The following ANKRD30B variants were observed in gnomAD, a reference collection of about 807,000 sequenced individuals.
ANKRD30B encodes ankyrin repeat domain-containing protein 30B.
ANKRD30B carries 144 observed loss-of-function variants against 202.2 expected under a neutral mutation model. The ratio of observed to expected loss-of-function variants is 0.71; its 90% confidence interval spans 0.62 to 0.82. The LOEUF is 0.82. ANKRD30B is among the 40% of genes least tolerant of loss of function. The probability of loss-of-function intolerance (pLI) is 0.00; values close to 1 mark genes in which losing one functional copy is unlikely to be tolerated. For synonymous variants in ANKRD30B, 508 were observed against 561.3 expected, an observed-to-expected ratio of 0.91 and a Z score of 1.34; for missense variants, 1,487 against 1,669.1, an observed-to-expected ratio of 0.89 and a Z score of 1.90.
chr18:14,787,241 A>G, intron 15 of ANKRD30B, 141 bp downstream of exon 15: 1 of 699,646 alleles, frequency 1.4e-6, no homozygotes, highest in Non-Finnish European at 2.3e-6. Flanking sequence ...TACGCTTAAT[A>G]GAGAATATAT....
At chr18:14,887,502 T>C in the ANKRD30B span, among the ~76,000 whole-genome samples, 1 of 152,136 alleles carries the variant, frequency 6.6e-6, no homozygotes, top group Non-Finnish European at 1.5e-5. Flanking sequence ...TTGGCAAGAA[T>C]ATGTGGTGAA....
chr18:14,798,408 G>C (rs529901623), intron 20 of ANKRD30B, among the ~76,000 whole-genome samples: 52 of 152,186 alleles, frequency 3.4e-4, no homozygotes, highest in African/African-American at 1.3e-3. Context: ...ATTTCTAACA[G>C]AGCCTTAAAA....
At chr18:14,855,911 G>A (rs1358031037), downstream of ANKRD30B, among the ~76,000 whole-genome samples, 28 of 150,126 alleles carry the variant, frequency 1.9e-4, no homozygotes, top group African/African-American at 4.4e-4. Context: ...GGGCAGAGGC[G>A]CTCCTCACCT....
At chr18:14,861,843 A>G in the ANKRD30B span, among the ~76,000 whole-genome samples, 2 of 152,228 alleles carry the variant, frequency 1.3e-5, no homozygotes, top group African/African-American at 4.8e-5. Context: ...CATTTTTCTC[A>G]TTTGCACATG....
chr18:14,866,888 A>G, the ANKRD30B span, among the ~76,000 whole-genome samples: 1 of 151,662 alleles, frequency 6.6e-6, no homozygotes, highest in East Asian at 2.0e-4. Flanking sequence ...GGTTAGGGGA[A>G]TTAGCTGCTG....
the ANKRD30B span, among the ~76,000 whole-genome samples, chr18:14,935,225 G>T: frequency 6.6e-6 from 1 of 152,208 alleles, no homozygotes; most frequent in African/African-American, 2.4e-5. Context: ...ATGGAGAGGG[G>T]TATGTAAGAG....
chr18:14,910,484 A>T, the ANKRD30B span, among the ~76,000 whole-genome samples: 3,910 of 147,644 alleles, frequency 0.026, 72 homozygotes, highest in South Asian at 0.046. Context: ...ACAATGTAAA[A>T]ATATATATAT....
rs1200180713 is a variant in ANKRD30B at position 14,748,411 on chromosome 18, G to T, written c.-9G>T. 5 of 1,478,538 alleles carry T rather than the reference G, an allele frequency of 3.4e-6. No individual in the cohort carries two copies. Among genetic ancestry groups the T allele is most frequent in the South Asian group, 1.4e-5 (1 of 72,708 alleles). 91.6% of individuals were successfully genotyped at this position (1,478,538 alleles called of 1,614,324 possible). On this transcript the variant is annotated 5_prime_UTR_variant, in exon 1 of 44. Coordinates refer to ENST00000690538, the MANE Select transcript of ANKRD30B (RefSeq NM_001367607.2). Reference sequence around the variant, plus strand: ...AGGCGCGGGCTCTCTCTAGCAGGGGGCTGCAGCCATGAAGAGGCTCTTAGC... The same window carrying T: ...AGGCGCGGGCTCTCTCTAGCAGGGGTCTGCAGCCATGAAGAGGCTCTTAGC...
chr18:14,937,039 G>A, the ANKRD30B span, among the ~76,000 whole-genome samples: 1 of 152,218 alleles, frequency 6.6e-6, no homozygotes, highest in African/African-American at 2.4e-5. Context: ...AGCCCAAGCT[G>A]TGCTGGTAGT....
At chr18:14,752,442 A>G (rs1045467316) in intron 1 of ANKRD30B, 124 bp from the exon 2 acceptor site, 3 of 671,438 alleles carry the variant, frequency 4.5e-6, no homozygotes, top group Non-Finnish European at 7.3e-6. Flanking sequence ...CTTCAGGAGA[A>G]TATTAAATAT....
intron 14 of ANKRD30B, 21 bp downstream of exon 14, chr18:14,784,556 A>C (rs774237059): frequency 3.1e-6 from 5 of 1,598,216 alleles, no homozygotes; most frequent in African/African-American, 1.3e-5. Flanking sequence ...CAATTTAACT[A>C]TGCAAAGATG....
the ANKRD30B span, among the ~76,000 whole-genome samples, chr18:14,930,183 G>A: frequency 1.3e-5 from 2 of 152,194 alleles, no homozygotes; most frequent in African/African-American, 4.8e-5. Context: ...CCTCCAGAAG[G>A]CAGGCTGCAT....
chr18:14,932,276 G>C, the ANKRD30B span, among the ~76,000 whole-genome samples: 1 of 151,600 alleles, frequency 6.6e-6, no homozygotes. Flanking sequence ...GGCCTCCAGG[G>C]CTGCCTTTGG....
chr18:14,914,887 C>A, the ANKRD30B span, among the ~76,000 whole-genome samples: 1 of 152,114 alleles, frequency 6.6e-6, no homozygotes, highest in African/African-American at 2.4e-5. Context: ...GAGGTCTGGA[C>A]GAGAGACAAC....
At chr18:14,782,013 A>C (rs562769636) in intron 11 of ANKRD30B, among the ~76,000 whole-genome samples, 1 of 152,354 alleles carries the variant, frequency 6.6e-6, no homozygotes, top group South Asian at 2.1e-4. Context: ...TTGTTTAACG[A>C]AAGGTAAAGA....
At chr18:14,783,796 G>C (rs1967904678) in intron 12 of ANKRD30B, among the ~76,000 whole-genome samples, 1 of 152,000 alleles carries the variant, frequency 6.6e-6, no homozygotes, top group Admixed American at 6.6e-5. Flanking sequence ...GGAGGATACA[G>C]AAATATAGGC....
Position 14,757,908 on chromosome 18 carries a change from T to C in ANKRD30B, c.711T>C (p.His237=), listed in dbSNP as rs1367793309. 1.2e-6 allele frequency: 2 copies of C among 1,610,574 alleles called. No homozygotes were observed. Among genetic ancestry groups the C allele is most frequent in the African/African-American group, 2.7e-5 (2 of 74,848 alleles). The part of the protein sequence containing the change: ...QNVDVFAEDI[H]GITAERYAAA... Reference sequence around the variant, plus strand: ...TTGACGTCTTTGCTGAAGACATACATGGAATAACTGCAGAACGTTATGCTG... The same window carrying C: ...TTGACGTCTTTGCTGAAGACATACACGGAATAACTGCAGAACGTTATGCTG... The change falls in exon 5 of 44, where the codon CAT becomes CAC. Residue 237 remains histidine, a synonymous_variant. Coordinates refer to ENST00000690538, the MANE Select transcript of ANKRD30B (RefSeq NM_001367607.2).
intron 39 of ANKRD30B, among the ~76,000 whole-genome samples, chr18:14,848,115 A>G (rs1971729595): frequency 6.6e-6 from 1 of 152,154 alleles, no homozygotes. Context: ...ATTTCTGTCA[A>G]GGCAAGAAGC....
At chr18:14,839,181 A>G (rs1472640818) in intron 36 of ANKRD30B, among the ~76,000 whole-genome samples, 1 of 152,230 alleles carries the variant, frequency 6.6e-6, no homozygotes, top group Non-Finnish European at 1.5e-5. Flanking sequence ...TAGGAAGAGA[A>G]TAACAAATGA....
Sources: gnomAD v4.1 joint callset for allele counts (sites outside exome capture counted in the v4.1 genomes callset) on GRCh38, gnomAD v4.1.1 for gene constraint, MANE v1.5 for transcripts, NCBI Gene and HGNC (gene_info 2026-07-23, HGNC 2026-07-21) for gene names.